The following SPATA16 variants were observed in gnomAD, a reference collection of about 807,000 sequenced individuals.
The protein encoded by SPATA16 is spermatogenesis associated 16, also known as spermatogenesis-associated protein 16.
Under a neutral mutation model 63.3 loss-of-function variants are expected in SPATA16, and 36 were observed. That is an observed-to-expected ratio of 0.57 (90% CI 0.44 to 0.75). The LOEUF is 0.75. Ranked by LOEUF, SPATA16 falls within the 30% of genes least tolerant of loss-of-function variation. The pLI is 0.00. For missense variants in SPATA16, 646 were observed against 679.3 expected (o/e 0.95, Z 0.54); for synonymous variants, 203 against 216.7 (o/e 0.94, Z 0.56).
Position 173,019,483 on chromosome 3 carries a change from T to C in SPATA16, c.848+3A>G. The stretch of plus-strand genomic sequence containing the variant: ...ATCCTCACAAAAGTTAAAACAAACA[T>C]ACCGGGCAGCCTCTGAATACCTCTC... On this transcript the variant is annotated splice_donor_region_variant and intron_variant, in intron 4 of 10. Coordinates refer to ENST00000351008, the MANE Select transcript of SPATA16 (RefSeq NM_031955.6). 1 of 1,613,194 alleles carries C rather than the reference T, an allele frequency of 6.2e-7. No homozygotes were observed. Among genetic ancestry groups the C allele is most frequent in the Non-Finnish European group, 8.5e-7 (1 of 1,179,176 alleles).
At chr3:173,087,689 C>T (rs2861069) in intron 2 of SPATA16, among the ~76,000 whole-genome samples, 2,096 of 152,172 alleles carry the variant, frequency 0.014, 25 homozygotes, top group Admixed American at 0.028. Flanking sequence ...TTTAGTGCTT[C>T]CTTCAGGAGC....
At chr3:173,079,798 G>A (rs1736884627) in intron 2 of SPATA16, among the ~76,000 whole-genome samples, 1 of 151,452 alleles carries the variant, frequency 6.6e-6, no homozygotes, top group Non-Finnish European at 1.5e-5. Context: ...GTGCATGGGT[G>A]ATAAAATGTT....
chr3:173,023,393 A>G (rs1378052542), intron 3 of SPATA16, among the ~76,000 whole-genome samples: 2 of 152,032 alleles, frequency 1.3e-5, no homozygotes, highest in African/African-American at 4.8e-5. Flanking sequence ...GTGACAGAAA[A>G]TGCTCTAATT....
Position 172,889,524 on chromosome 3 carries a change from C to A in SPATA16, c.*46G>T, listed in dbSNP as rs775718337. On this transcript the variant is annotated 3_prime_UTR_variant, in exon 11 of 11. Coordinates refer to ENST00000351008, the MANE Select transcript of SPATA16 (RefSeq NM_031955.6). ...GTGGGCATTGGAGTGGATGCCCTTG[C>A]CTCTTCTTCTGGGATATCTTAGTGG... 1 of 1,612,262 alleles carries A rather than the reference C, an allele frequency of 6.2e-7. No homozygotes were observed. Among genetic ancestry groups the A allele is most frequent in the Non-Finnish European group, 8.5e-7 (1 of 1,179,574 alleles).
chr3:172,925,355 T>C lies in SPATA16; in HGVS notation c.1219A>G (p.Ile407Val). The change falls in exon 7 of 11, where the codon ATA (isoleucine) becomes GTA (valine). Residue 407 changes from isoleucine (I) to valine (V), a missense_variant. Ile to Val is a conservative substitution (Grantham distance 29). Coordinates refer to ENST00000351008, the MANE Select transcript of SPATA16 (RefSeq NM_031955.6). ...LEKISSRKLP[I>V]FTEHKTPFGL... ...GGTTCAGATGATTTACCTGTGAATA[T>C]CGGCAGCTTCCTGCTTGATATTTTT... is the stretch of plus-strand genomic sequence containing the variant. The C allele has an allele frequency of 6.2e-7, 1 of 1,613,930 alleles. No homozygotes were observed. The highest frequency in any genetic ancestry group is 8.5e-7 in the Non-Finnish European group (1 of 1,179,906).
rs1223522221 is a variant in SPATA16 at position 172,961,063 on chromosome 3, CTTCTTTCTTCCTTCCTTCCTTCCT to C, written c.934-4263_934-4240del. Among the ~76,000 whole-genome samples, 10 of 28,762 alleles carry C rather than the reference CTTCTTTCTTCCTTCCTTCCTTCCT, an allele frequency of 3.5e-4. 1 individual carries two copies. The highest frequency in any genetic ancestry group is 1.0e-3 in the African/African-American group (10 of 9,910). 18.9% of individuals were successfully genotyped at this position (28,762 alleles called of 152,430 possible). A position where few individuals can be genotyped will look rare whatever the true frequency, so the allele number is the denominator to read the frequency against. ...TTCTTTCTTTCTTCTTTCTTTCTTTCTTCTTTCTTCCTTCCTTCCTTCCTTCCTTCCTTCCTTCCTTCCTTCCTT... is the reference window on the plus strand; with the variant it reads ...TTCTTTCTTTCTTCTTTCTTTCTTTCTCCTTCCTTCCTTCCTTCCTTCCTT... On this transcript the variant is annotated intron_variant, in intron 5 of 10. Transcript: ENST00000351008.
At chr3:172,924,437 G>A in intron 7 of SPATA16, 120 bp from the exon 8 acceptor site, 2 of 762,410 alleles carry the variant, frequency 2.6e-6, no homozygotes, top group Non-Finnish European at 4.4e-6. Flanking sequence ...CTTTAGTATA[G>A]AAACTAGTCC....
At chr3:173,040,833 T>C (rs769192335) in intron 3 of SPATA16, among the ~76,000 whole-genome samples, 36 of 152,072 alleles carry the variant, frequency 2.4e-4, no homozygotes, top group Non-Finnish European at 4.4e-4. Flanking sequence ...AAGGGCCCAG[T>C]TTCCACCTGC....
At chr3:172,925,273 T>C in intron 7 of SPATA16, 73 bp downstream of exon 7, 1 of 1,556,088 alleles carries the variant, frequency 6.4e-7, no homozygotes, top group Non-Finnish European at 8.8e-7. Flanking sequence ...TAATTTTAAC[T>C]CAAACATTTT....
chr3:172,909,133 T>C (rs1732304655), intron 10 of SPATA16, among the ~76,000 whole-genome samples: 1 of 152,210 alleles, frequency 6.6e-6, no homozygotes, highest in Non-Finnish European at 1.5e-5. Context: ...GTAGAGTGGC[T>C]GTACTGTGTT....
At chr3:172,954,785 C>G (rs537210736) in intron 6 of SPATA16, among the ~76,000 whole-genome samples, 24 of 152,272 alleles carry the variant, frequency 1.6e-4, no homozygotes, top group African/African-American at 5.8e-4. Context: ...TAATTTGCAA[C>G]AGAGGTAAAT....
At position 173,100,157 on chromosome 3, in the gene SPATA16, G is replaced by A. The variant is rs142701352; in HGVS notation, c.612+16963C>T. Among the ~76,000 whole-genome samples, 6 of 152,294 alleles carry A rather than the reference G, an allele frequency of 3.9e-5. No homozygotes were observed. The East Asian group carries it at 1.2e-3, about 29-fold the overall frequency. On this transcript the variant is annotated intron_variant, in intron 2 of 10. Coordinates refer to ENST00000351008, the MANE Select transcript of SPATA16 (RefSeq NM_031955.6). ...TCTGTGAGGATACCTCTCTATGGGA[G>A]CCAGAAATGCTGAGCAGGCCCCTTA...
At chr3:173,030,060 ATCTAT>A (rs1735566112) in intron 3 of SPATA16, among the ~76,000 whole-genome samples, 1 of 926 alleles carries the variant, frequency 1.1e-3, no homozygotes, top group Non-Finnish European at 0.012. Context: ...TTACTTTACT[ATCTAT>A]CTATCTATCT....
At chr3:172,917,659 C>G (rs1163632883) in intron 8 of SPATA16, among the ~76,000 whole-genome samples, 1 of 152,184 alleles carries the variant, frequency 6.6e-6, no homozygotes, top group South Asian at 2.1e-4. Flanking sequence ...TTGAGACAAA[C>G]CACCACCTTA....
intron 2 of SPATA16, among the ~76,000 whole-genome samples, chr3:173,114,766 A>G (rs140050876): frequency 6.6e-6 from 1 of 152,202 alleles, no homozygotes. Context: ...GTTAGGACTT[A>G]AGGAAAAGGG....
chr3:173,019,991 TA>T (rs3085788), intron 3 of SPATA16, among the ~76,000 whole-genome samples: 16,550 of 143,024 alleles, frequency 0.12, 995 homozygotes, highest in East Asian at 0.14. Flanking sequence ...GAATTTCAGT[TA>T]AAAAAAAAAA....
intron 2 of SPATA16, among the ~76,000 whole-genome samples, chr3:173,070,433 T>G (rs533823493): frequency 1.3e-5 from 2 of 151,634 alleles, no homozygotes; most frequent in African/African-American, 2.4e-5. Context: ...TTTCACCACT[T>G]TTATTCAACA....
At chr3:173,090,207 T>C (rs1737188078) in intron 2 of SPATA16, among the ~76,000 whole-genome samples, 1 of 152,150 alleles carries the variant, frequency 6.6e-6, no homozygotes. Flanking sequence ...ACTGTTCTCA[T>C]GATAGTGAGT....
At chr3:172,906,982 A>G (rs190963504) in intron 10 of SPATA16, among the ~76,000 whole-genome samples, 2 of 152,106 alleles carry the variant, frequency 1.3e-5, no homozygotes, top group South Asian at 2.1e-4. Context: ...TTTACCTCTC[A>G]TGAGGATTAT....
Sources: allele counts gnomAD v4.1 joint callset (sites outside exome capture counted in the v4.1 genomes callset), GRCh38; gene constraint gnomAD v4.1.1; transcripts MANE v1.5; gene names NCBI Gene and HGNC (gene_info 2026-07-23, HGNC 2026-07-21).